The following MYT1L variants were observed in gnomAD, a reference collection of about 807,000 sequenced individuals.
The protein encoded by MYT1L is myelin transcription factor 1-like protein.
MYT1L carries 12 observed loss-of-function variants against 126.7 expected under a neutral mutation model. The ratio of observed to expected loss-of-function variants is 0.09; its 90% CI spans 0.06 to 0.15. The LOEUF (loss-of-function observed/expected upper bound fraction) is 0.15. MYT1L is among the 10% of genes least tolerant of loss of function. MYT1L has a pLI of 1.00. For missense variants in MYT1L, 979 were observed against 1,585.2 expected, an observed-to-expected ratio of 0.62 and a Z score of 6.49; for synonymous variants, 541 against 604.2, an observed-to-expected ratio of 0.90 and a Z score of 1.53.
chr2:2,187,688 G>A (rs532625068), intron 2 of MYT1L, among the ~76,000 whole-genome samples: 21 of 152,018 alleles, frequency 1.4e-4, no homozygotes, highest in Non-Finnish European at 2.4e-4. Flanking sequence ...TTGCATTCAT[G>A]GCTGAATTCA....
intron 1 of MYT1L, among the ~76,000 whole-genome samples, chr2:2,311,343 A>T (rs951494563): frequency 5.9e-5 from 9 of 152,222 alleles, no homozygotes; most frequent in Non-Finnish European, 1.3e-4. Context: ...CTAGACAAGG[A>T]TGCAGCTGAG....
intron 2 of MYT1L, among the ~76,000 whole-genome samples, chr2:2,187,582 A>G (rs2092303221): frequency 6.6e-6 from 1 of 151,784 alleles, no homozygotes; most frequent in African/African-American, 2.4e-5. Context: ...TGAGTGGCAG[A>G]AGGGGGCACA....
chr2:2,251,737 T>G lies in MYT1L; in HGVS notation c.-421+32667A>C, dbSNP rs181555692. ...TCTGAAAGCTCTAATATATCTGTTT[T>G]GAAAAATGCCTTATTCTCAAAGAAA... On this transcript the variant is annotated intron_variant, in intron 2 of 24. Coordinates refer to ENST00000647738, the MANE Select transcript of MYT1L (RefSeq NM_001303052.2). Among the ~76,000 whole-genome samples, 767 of 152,098 alleles carry G rather than the reference T, an allele frequency of 5.0e-3. 4 individuals carry two copies. Among genetic ancestry groups the G allele is most frequent in the Non-Finnish European group, 7.7e-3 (526 of 67,992 alleles).
chr2:2,083,839 G>A (rs902340868), intron 3 of MYT1L, among the ~76,000 whole-genome samples: 1 of 151,662 alleles, frequency 6.6e-6, no homozygotes, highest in Non-Finnish European at 1.5e-5. Context: ...ACAAGGAAAG[G>A]AAAGTTCAGT....
At chr2:2,127,427 T>G (rs2081859450) in intron 3 of MYT1L, among the ~76,000 whole-genome samples, 2 of 152,224 alleles carry the variant, frequency 1.3e-5, no homozygotes, top group South Asian at 4.1e-4. Flanking sequence ...GCATCCATGT[T>G]GTCAAGGATA....
chr2:2,014,241 C>G (rs2064139021), intron 4 of MYT1L, among the ~76,000 whole-genome samples: 1 of 150,110 alleles, frequency 6.7e-6, no homozygotes, highest in Admixed American at 6.6e-5. Flanking sequence ...TCCACTGCCT[C>G]TATCTAGTGG....
Position 1,889,941 on chromosome 2 carries a change from CAT to C in MYT1L, c.2284-466_2284-465del, listed in dbSNP as rs1258142466. 6.6e-6 allele frequency among the ~76,000 whole-genome samples: 1 copy of C among 151,912 alleles called. No individual in the cohort carries two copies. The highest frequency in any genetic ancestry group is 2.4e-5 in the African/African-American group (1 of 41,306). On this transcript the variant is annotated intron_variant, in intron 15 of 24. Transcript: ENST00000647738. The surrounding 1 kb of genome is among the most constrained non-coding windows in gnomAD (Gnocchi z 4.1). Reference sequence around the variant, plus strand: ...GCATGTGTGTGTGTGTATAAACACACATATATCAGCTTAAAAATTCTCTTTTT... The same window carrying C: ...GCATGTGTGTGTGTGTATAAACACACATATCAGCTTAAAAATTCTCTTTTT...
At chr2:2,042,683 G>A (rs909103066) in intron 4 of MYT1L, among the ~76,000 whole-genome samples, 4 of 152,038 alleles carry the variant, frequency 2.6e-5, no homozygotes, top group South Asian at 2.1e-4. Flanking sequence ...CAATGGTCCC[G>A]GCCTCCCTGT....
intron 3 of MYT1L, among the ~76,000 whole-genome samples, chr2:2,098,682 T>A (rs2077713065): frequency 6.6e-6 from 1 of 152,202 alleles, no homozygotes; most frequent in African/African-American, 2.4e-5. Context: ...ACTTCCCAGT[T>A]AACCTTTGTA....
chr2:2,089,378 G>C (rs968377720), intron 3 of MYT1L, among the ~76,000 whole-genome samples: 2 of 152,216 alleles, frequency 1.3e-5, no homozygotes, highest in African/African-American at 4.8e-5. Flanking sequence ...CTGAATGCCT[G>C]GGGTAGGGAA....
At chr2:2,033,067 A>G (rs889946663) in intron 4 of MYT1L, among the ~76,000 whole-genome samples, 4 of 126,352 alleles carry the variant, frequency 3.2e-5, no homozygotes, top group Non-Finnish European at 4.9e-5. Flanking sequence ...ACCCCTCGCC[A>G]GTGCCTCTCA....
chr2:1,978,952 G>A (rs1558611000), intron 8 of MYT1L, among the ~76,000 whole-genome samples: 1 of 152,094 alleles, frequency 6.6e-6, no homozygotes, highest in Admixed American at 6.5e-5. Flanking sequence ...GTCATCCTAA[G>A]GAGTGTCACC....
intron 9 of MYT1L, among the ~76,000 whole-genome samples, chr2:1,938,630 A>G (rs915256197): frequency 2.0e-4 from 31 of 152,346 alleles, no homozygotes; most frequent in Non-Finnish European, 4.1e-4. Context: ...AAAACCATGC[A>G]AAGTGTTTGA....
chr2:2,127,785 C>A (rs2081908372), intron 3 of MYT1L, among the ~76,000 whole-genome samples: 1 of 152,124 alleles, frequency 6.6e-6, no homozygotes, highest in Non-Finnish European at 1.5e-5. Context: ...TGGGAAGGCT[C>A]CTCCCAGAAT....
intron 3 of MYT1L, among the ~76,000 whole-genome samples, chr2:2,158,965 T>C (rs1297978347): frequency 6.6e-6 from 1 of 152,186 alleles, no homozygotes; most frequent in Non-Finnish European, 1.5e-5. Flanking sequence ...GTGTACCTTG[T>C]CTCAGGATCG....
intron 2 of MYT1L, among the ~76,000 whole-genome samples, chr2:2,235,531 T>C (rs1260173861): frequency 6.6e-6 from 1 of 152,210 alleles, no homozygotes; most frequent in Non-Finnish European, 1.5e-5. Flanking sequence ...GTCTCTTACC[T>C]CCAGCCCTGT....
intron 18 of MYT1L, among the ~76,000 whole-genome samples, chr2:1,857,233 AG>A (rs1411899519): frequency 6.6e-6 from 1 of 152,218 alleles, no homozygotes; most frequent in African/African-American, 2.4e-5. Flanking sequence ...ATCAGTCTAA[AG>A]GGAGAACTAC....
At chr2:2,105,285 G>T (rs1309120891) in intron 3 of MYT1L, among the ~76,000 whole-genome samples, 2 of 152,164 alleles carry the variant, frequency 1.3e-5, no homozygotes, top group African/African-American at 4.8e-5. Flanking sequence ...GTGCTCGTGG[G>T]ATACTACAGA....
intron 2 of MYT1L, among the ~76,000 whole-genome samples, chr2:2,262,195 T>C (rs2094985910): frequency 6.6e-6 from 1 of 152,178 alleles, no homozygotes; most frequent in African/African-American, 2.4e-5. Flanking sequence ...TAATCAACTT[T>C]GGGGAAGAAT....
Sources: gnomAD v4.1 joint callset for allele counts (sites outside exome capture counted in the v4.1 genomes callset) on GRCh38, gnomAD v4.1.1 for gene constraint, Gnocchi (gnomAD v3.1) non-coding constraint, MANE v1.5 for transcripts, NCBI Gene and HGNC (gene_info 2026-07-23, HGNC 2026-07-21) for gene names.